Variants in EPS8 observed in about 807,000 individuals in gnomAD.
EPS8 encodes the protein EGFR pathway substrate 8, signaling adaptor, also known as epidermal growth factor receptor kinase substrate 8.
EPS8 carries 42 observed loss-of-function variants against 103.8 expected under a neutral mutation model. The ratio of observed to expected loss-of-function variants is 0.40; its 90% CI spans 0.32 to 0.52. EPS8 has a LOEUF of 0.52. EPS8 is among the 20% of genes least tolerant of loss of function. EPS8 has a pLI of 0.40. For missense variants in EPS8, 969 were observed against 1,005.1 expected, an observed-to-expected ratio of 0.96 and a Z score of 0.49; for synonymous variants, 344 against 344.6, an observed-to-expected ratio of 1.00 and a Z score of 0.02.
At chr12:15,703,743 G>C (rs990752880) in intron 1 of EPS8, among the ~76,000 whole-genome samples, 1 of 149,942 alleles carries the variant, frequency 6.7e-6, no homozygotes, top group African/African-American at 2.5e-5. Flanking sequence ...ATCAGAGAAC[G>C]AAGTTGACAC....
In EPS8 at chr12:15,728,523, C is replaced by T. The variant is rs1443700739; in HGVS notation, c.-21-45551G>A. On this transcript the variant is annotated intron_variant, in intron 1 of 20. Coordinates refer to ENST00000281172, the MANE Select transcript of EPS8 (RefSeq NM_004447.6). This position sits in a 1 kb window ranked among gnomAD's most constrained non-coding sequence, Gnocchi z 4.5. ...GCAACAATAATAAGGAACACTCTCC[C>T]GGGTGCTGAGTCATTAATAGAATTT... Among the ~76,000 whole-genome samples the T allele has an allele frequency of 2.0e-5, 3 of 152,154 alleles. No individual in the cohort carries two copies. Among genetic ancestry groups the T allele is most frequent in the Admixed American group, 6.5e-5 (1 of 15,282 alleles).
intron 1 of EPS8, chr12:15,712,976 C>A (rs747958387): frequency 1.8e-5 from 18 of 985,382 alleles, no homozygotes; most frequent in South Asian, 4.7e-5. Context: ...GGACTCTAAG[C>A]GTCAGTTTCG....
intron 1 of EPS8, among the ~76,000 whole-genome samples, chr12:15,687,121 A>T (rs559978718): frequency 6.7e-6 from 1 of 148,944 alleles, no homozygotes; most frequent in East Asian, 1.9e-4. Context: ...TTCAAACATT[A>T]AAAAAAAAAT....
chr12:15,696,601 A>C lies in EPS8; in HGVS notation c.-21-13629T>G, dbSNP rs1946246428. Among the ~76,000 whole-genome samples the C allele has an allele frequency of 6.6e-6, 1 of 152,132 alleles. No individual in the cohort carries two copies. Among genetic ancestry groups the C allele is most frequent in the South Asian group, 2.1e-4 (1 of 4,822 alleles). On this transcript the variant is annotated intron_variant, in intron 1 of 20. Coordinates refer to ENST00000281172, the MANE Select transcript of EPS8 (RefSeq NM_004447.6). This position sits in a 1 kb window ranked among gnomAD's most constrained non-coding sequence, Gnocchi z 4.8. ...GGTTGCAGTGAGCCAAGATCGCACC[A>C]TTGAACTCCAGCCTGGCGACAGAGC...
intron 1 of EPS8, among the ~76,000 whole-genome samples, chr12:15,722,140 GA>G (rs1453497345): frequency 6.8e-6 from 1 of 147,240 alleles, no homozygotes; most frequent in Non-Finnish European, 1.5e-5. Flanking sequence ...TACAATGGAA[GA>G]AGAAGAATTG....
intron 1 of EPS8, among the ~76,000 whole-genome samples, chr12:15,766,492 A>G (rs922492715): frequency 2.9e-4 from 42 of 142,898 alleles, no homozygotes; most frequent in African/African-American, 1.1e-3. Flanking sequence ...GCGAGACTCC[A>G]TCTCAAAAAA....
At chr12:15,743,228 G>A (rs1414611711) in intron 1 of EPS8, among the ~76,000 whole-genome samples, 2 of 152,072 alleles carry the variant, frequency 1.3e-5, no homozygotes. Flanking sequence ...CCTCTTCAAG[G>A]AGAACTACAA....
chr12:15,675,998 C>A (rs1945898359), intron 3 of EPS8, among the ~76,000 whole-genome samples: 1 of 152,002 alleles, frequency 6.6e-6, no homozygotes, highest in South Asian at 2.1e-4. Context: ...CTCGGCTGGG[C>A]GTGGTGGCTC....
At chr12:15,685,712 G>A (rs1411143569) in intron 1 of EPS8, among the ~76,000 whole-genome samples, 1 of 152,082 alleles carries the variant, frequency 6.6e-6, no homozygotes, top group Non-Finnish European at 1.5e-5. Context: ...CAAATATGGA[G>A]GCTTTCAAAT....
intron 1 of EPS8, among the ~76,000 whole-genome samples, chr12:15,712,200 CTATT>C (rs1946474982): frequency 6.6e-6 from 1 of 151,764 alleles, no homozygotes; most frequent in Admixed American, 6.6e-5. Context: ...CATTAATTGA[CTATT>C]TAAACATTTA....
At chr12:15,641,569 A>C (rs974983657) in intron 16 of EPS8, among the ~76,000 whole-genome samples, 153 bp downstream of exon 16, 1 of 152,132 alleles carries the variant, frequency 6.6e-6, no homozygotes, top group African/African-American at 2.4e-5. Context: ...TAGAAGGAGT[A>C]TCTATATACC....
In EPS8 at chr12:15,760,878, TAAG is replaced by T. The variant is rs568710585; in HGVS notation, c.-22+28280_-22+28282del. Among the ~76,000 whole-genome samples, 398 of 152,232 alleles carry T rather than the reference TAAG, an allele frequency of 2.6e-3. 3 individuals carry two copies. Among genetic ancestry groups the T allele is most frequent in the African/African-American group, 9.3e-3 (386 of 41,566 alleles). On this transcript the variant is annotated intron_variant, in intron 1 of 20. Coordinates refer to ENST00000281172, the MANE Select transcript of EPS8 (RefSeq NM_004447.6). The surrounding 1 kb of genome is among the most constrained non-coding windows in gnomAD (Gnocchi z 4.5). ...GGGAAAACCTGATAAGCCTTTCCTC[TAAG>T]ATCTGGCACACAGGAAGTATGCCCA...
chr12:15,670,366 T>C (rs1945794464), intron 4 of EPS8, among the ~76,000 whole-genome samples: 1 of 152,054 alleles, frequency 6.6e-6, no homozygotes, highest in South Asian at 2.1e-4. Flanking sequence ...AAACTGAAAA[T>C]AAGAGCAATT....
rs1336099556 is a variant in EPS8 at position 15,654,291 on chromosome 12, C to A, written c.1104G>T (p.Val368=). The change falls in exon 13 of 21, where the codon GTG becomes GTT. Residue 368 remains valine (V), a splice_region_variant and synonymous_variant. Coordinates refer to ENST00000281172, the MANE Select transcript of EPS8 (RefSeq NM_004447.6). ...GTTCAGGACCTCCTGTTGCCTGCAC[C>A]ACCTAAGATAATAAACCATTTTTTA... ...VHFLFTPLNM[V]VQATGGPELA... is the part of the protein sequence containing the mutation. 1 of 1,612,226 alleles carries A rather than the reference C, an allele frequency of 6.2e-7. No individual in the cohort carries two copies. Among genetic ancestry groups the A allele is most frequent in the Admixed American group, 1.7e-5 (1 of 59,628 alleles).
Position 15,784,989 on chromosome 12 carries a change from T to C in EPS8, c.-22+4172A>G, listed in dbSNP as rs867188467. ...AGGTTATGAGTGAAGCCCAGGGGAT[T>C]TGTAATGTGTTGAAATTATTCGGTA... On this transcript the variant is annotated intron_variant, in intron 1 of 20. Transcript: ENST00000281172. This position sits in a 1 kb window ranked among gnomAD's most constrained non-coding sequence, Gnocchi z 4.0. Among the ~76,000 whole-genome samples, 1 of 152,044 alleles carries C rather than the reference T, an allele frequency of 6.6e-6. No individual in the cohort carries two copies. Among genetic ancestry groups the C allele is most frequent in the African/African-American group, 2.4e-5 (1 of 41,426 alleles).
chr12:15,627,105 T>A (rs901076244), intron 18 of EPS8, among the ~76,000 whole-genome samples: 2 of 152,126 alleles, frequency 1.3e-5, no homozygotes, highest in Non-Finnish European at 2.9e-5. Context: ...GTTCAAGCGA[T>A]TCTCCTGCCT....
At chr12:15,689,479 A>T (rs1023940507) in intron 1 of EPS8, among the ~76,000 whole-genome samples, 3 of 152,226 alleles carry the variant, frequency 2.0e-5, no homozygotes, top group Non-Finnish European at 4.4e-5. Context: ...CTCTAAAAAC[A>T]TCTTTTTTAA....
At chr12:15,621,809 G>A (rs937915131) in intron 20 of EPS8, among the ~76,000 whole-genome samples, 1 of 152,168 alleles carries the variant, frequency 6.6e-6, no homozygotes. Context: ...GCCTTTAGAA[G>A]ATTTTAACTC....
chr12:15,689,528 A>G (rs555170523), intron 1 of EPS8, among the ~76,000 whole-genome samples: 1 of 152,304 alleles, frequency 6.6e-6, no homozygotes, highest in East Asian at 1.9e-4. Flanking sequence ...TAATAATTGT[A>G]TATATTTATA....
Sources: allele counts gnomAD v4.1 joint callset (sites outside exome capture counted in the v4.1 genomes callset), GRCh38; gene constraint gnomAD v4.1.1; non-coding constraint Gnocchi (gnomAD v3.1); transcripts MANE v1.5; gene names NCBI Gene and HGNC (gene_info 2026-07-23, HGNC 2026-07-21).